The following PAM variants were observed in gnomAD, a reference collection of about 807,000 sequenced individuals.
The protein encoded by PAM is peptidylglycine alpha-amidating monooxygenase.
PAM carries 72 observed loss-of-function variants against 122.1 expected under a neutral mutation model. That is an observed-to-expected ratio of 0.59 (90% CI 0.49 to 0.72). PAM has a LOEUF of 0.72. Ranked by LOEUF, PAM falls within the 30% of genes least tolerant of loss-of-function variation. PAM has a pLI of 0.00. For synonymous variants in PAM, 389 were observed against 404.4 expected, an observed-to-expected ratio of 0.96 and a Z score of 0.46; for missense variants, 1,106 against 1,183.7, an observed-to-expected ratio of 0.93 and a Z score of 0.96.
At chr5:102,974,072 C>T in intron 14 of PAM, 44 bp from the exon 15 acceptor site, 1 of 1,394,010 alleles carries the variant, frequency 7.2e-7, no homozygotes, top group Non-Finnish European at 9.8e-7. Context: ...ATTTTGCAAT[C>T]TTATCTACCC....
chr5:102,833,596 C>CA (rs1776058472), intron 1 of PAM, among the ~76,000 whole-genome samples: 1 of 152,126 alleles, frequency 6.6e-6, no homozygotes, highest in Non-Finnish European at 1.5e-5. Flanking sequence ...CACCAGGGCT[C>CA]AATAAGCATA....
intron 16 of PAM, 86 bp downstream of exon 16, chr5:102,990,487 G>C (rs1773717598): frequency 8.1e-6 from 8 of 991,934 alleles, no homozygotes; most frequent in Non-Finnish European, 1.1e-5. Flanking sequence ...AATGGTGAGA[G>C]AACTATAAAG....
chr5:102,817,017 A>G (rs1419326433), intron 1 of PAM, among the ~76,000 whole-genome samples: 1 of 152,104 alleles, frequency 6.6e-6, no homozygotes, highest in Admixed American at 6.6e-5. Context: ...AATCATCAAT[A>G]TTAACATGTT....
chr5:102,962,169 G>A (rs1196982992), intron 14 of PAM, among the ~76,000 whole-genome samples: 2 of 151,752 alleles, frequency 1.3e-5, no homozygotes, highest in African/African-American at 2.4e-5. Context: ...ACTTTAGAAA[G>A]GGGAAAATGC....
rs1026070784 is a variant in PAM at position 102,866,042 on chromosome 5, C to T, written c.-154C>T. 23 of 467,556 alleles carry T rather than the reference C, an allele frequency of 4.9e-5. No individual in the cohort carries two copies. The highest frequency in any genetic ancestry group is 8.1e-5 in the Non-Finnish European group (22 of 270,062). 29.0% of individuals were successfully genotyped at this position (467,556 alleles called of 1,614,324 possible). On this transcript the variant is annotated 5_prime_UTR_variant, in exon 2 of 26. Transcript: ENST00000438793. ...ACGCCTCGCCGCGGCCAGCTCGCTG[C>T]TCTCGCTGGCGGATGGTGTGTGGCC...
chr5:102,781,853 A>G (rs1434610157), intron 1 of PAM, among the ~76,000 whole-genome samples: 3 of 152,182 alleles, frequency 2.0e-5, no homozygotes, highest in Admixed American at 2.0e-4. Context: ...TCTAAGAACT[A>G]CACGTTTTTA....
chr5:102,790,968 A>T (rs145362817), intron 1 of PAM, among the ~76,000 whole-genome samples: 101 of 152,098 alleles, frequency 6.6e-4, no homozygotes, highest in Non-Finnish European at 1.1e-3. Context: ...CACATATACA[A>T]ACAGAGATTC....
At chr5:102,914,078 A>G in intron 5 of PAM, 57 bp downstream of exon 5, 2 of 883,306 alleles carry the variant, frequency 2.3e-6, no homozygotes, top group Middle Eastern at 2.2e-4. Flanking sequence ...TTACAAGTGC[A>G]AAGTGTATCT....
Position 102,903,103 on chromosome 5 carries a change from G to A in PAM, c.268+1690G>A, listed in dbSNP as rs192364790. On this transcript the variant is annotated intron_variant, in intron 4 of 25. Transcript: ENST00000438793. ...GCTAAATGTTTTCATACTTTCTTAGGCACTTTTCTTCTAAGATTAAACTAT... is the reference window on the plus strand; with the variant it reads ...GCTAAATGTTTTCATACTTTCTTAGACACTTTTCTTCTAAGATTAAACTAT... Among the ~76,000 whole-genome samples the A allele has an allele frequency of 3.6e-3, 542 of 151,568 alleles. 13 individuals carry two copies. The highest frequency in any genetic ancestry group is 0.034 in the Admixed American group (512 of 15,158).
rs191192666 is a variant in PAM, at chr5:102,838,657, A to C, written c.-373-27166A>C. ...TTTGTTTTACTGTGAGTTCAGAGGG[A>C]ATAGTTGTTTCATAATGAGTTTCTG... On this transcript the variant is annotated intron_variant, in intron 1 of 25. Coordinates refer to ENST00000438793, the MANE Select transcript of PAM (RefSeq NM_001177306.2). The C allele has an allele frequency of 8.5e-5, 13 of 152,278 alleles. No homozygotes were observed. The East Asian group carries it at 2.3e-3, about 27-fold the overall frequency. 9.4% of individuals were successfully genotyped at this position (152,278 alleles called of 1,614,324 possible).
chr5:102,785,449 G>T (rs1456545021), intron 1 of PAM, among the ~76,000 whole-genome samples: 1 of 152,200 alleles, frequency 6.6e-6, no homozygotes, highest in Admixed American at 6.5e-5. Flanking sequence ...AAACCAGAGG[G>T]TAAGGCAACC....
chr5:103,019,827 G>A lies in PAM; in HGVS notation c.2469G>A (p.Glu823=). 2 of 1,606,160 alleles carry A rather than the reference G, an allele frequency of 1.2e-6. No individual in the cohort carries two copies. Among genetic ancestry groups the A allele is most frequent in the Non-Finnish European group, 1.7e-6 (2 of 1,172,924 alleles). The part of the protein sequence containing the change: ...EHRSVKKAGI[E]VQEIKEAEAV... Reference sequence around the variant, plus strand: ...GATCAGTTAAAAAGGCTGGCATTGAGGTCCAGGAAATCAAAGGTTGGTCAG... The same window carrying A: ...GATCAGTTAAAAAGGCTGGCATTGAAGTCCAGGAAATCAAAGGTTGGTCAG... The change falls in exon 23 of 26, where the codon GAG becomes GAA. Residue 823 remains glutamate (E), a synonymous_variant. Transcript: ENST00000438793.
In PAM at chr5:102,949,781, T is replaced by C. The variant is rs1758189743; in HGVS notation, c.725-121T>C. On this transcript the variant is annotated intron_variant, in intron 10 of 25. Transcript: ENST00000438793. ...GTTTTATCATATTGTTTTTTTAAGA[T>C]ACTCAGTCTTTGCAGCTCTGAAAAT... 4.4e-6 allele frequency: 3 copies of C among 688,818 alleles called. No individual in the cohort carries two copies. In the South Asian group the frequency reaches 5.3e-5, roughly 12 times the overall value. The allele number at this position is 688,818 out of a possible 1,614,324, so 42.7% of individuals were successfully genotyped here.
At chr5:102,861,463 C>T (rs1288605687) in intron 1 of PAM, among the ~76,000 whole-genome samples, 1 of 152,178 alleles carries the variant, frequency 6.6e-6, no homozygotes, top group Non-Finnish European at 1.5e-5. Context: ...AATAGCTAGC[C>T]TGTAATCTTC....
chr5:102,777,942 T>C (rs1391769225), intron 1 of PAM, among the ~76,000 whole-genome samples: 11 of 152,206 alleles, frequency 7.2e-5, no homozygotes, highest in Non-Finnish European at 1.5e-4. Context: ...AAATGAAAGG[T>C]CACCTGCCAA....
At chr5:102,830,883 ATGTTTTGTTT>A (rs200045382) in intron 1 of PAM, among the ~76,000 whole-genome samples, 1 of 95,120 alleles carries the variant, frequency 1.1e-5, no homozygotes, top group African/African-American at 3.6e-5. Context: ...TGTATTTTGG[ATGTTTTGTTT>A]TGTTTTGTTT....
chr5:102,931,981 A>G (rs184789687), intron 7 of PAM, among the ~76,000 whole-genome samples: 65 of 152,256 alleles, frequency 4.3e-4, no homozygotes, highest in Non-Finnish European at 7.5e-4. Flanking sequence ...TTAAGTGAAT[A>G]CAGCCTGGAG....
chr5:103,015,724 A>G (rs1356292084), intron 21 of PAM, among the ~76,000 whole-genome samples: 1 of 152,138 alleles, frequency 6.6e-6, no homozygotes. Flanking sequence ...TTTCTAGCAG[A>G]ACCCTTGGCT....
At chr5:102,914,064 T>C (rs540401531) in intron 5 of PAM, 43 bp downstream of exon 5, 2 of 1,084,706 alleles carry the variant, frequency 1.8e-6, no homozygotes, top group South Asian at 2.5e-5. Flanking sequence ...GTAGAAAATG[T>C]GTTTTACAAG....
Sources: gnomAD v4.1 joint callset for allele counts (sites outside exome capture counted in the v4.1 genomes callset) on GRCh38, gnomAD v4.1.1 for gene constraint, MANE v1.5 for transcripts, NCBI Gene and HGNC (gene_info 2026-07-23, HGNC 2026-07-21) for gene names.